Variants in CD180 observed in about 807,000 individuals in gnomAD.
CD180 encodes the protein CD180 molecule.
Under a neutral mutation model 10.7 loss-of-function variants are expected in CD180, and 11 were observed. The observed-to-expected ratio is 1.03, with a 90% CI of 0.65 to 1.70. CD180 has a LOEUF of 1.70. Among genes scored for constraint, CD180 ranks in the 40% most tolerant of loss-of-function variants. The pLI, the probability that CD180 is intolerant of heterozygous loss-of-function variation, is 0.00. For synonymous variants in CD180, 286 were observed against 294.6 expected (o/e 0.97, Z 0.30); for missense variants, 729 against 775.2 (o/e 0.94, Z 0.71).
intron 1 of CD180, among the ~76,000 whole-genome samples, chr5:67,187,635 A>C (rs1428148339): frequency 6.6e-6 from 1 of 152,194 alleles, no homozygotes; most frequent in East Asian, 1.9e-4. Flanking sequence ...TTTAAGATGA[A>C]GGGTAGTGGG....
rs771130683 is a variant in CD180 at position 67,182,976 on chromosome 5, G to T, written c.1867C>A (p.Leu623Ile). 4 of 1,614,112 alleles carry T rather than the reference G, an allele frequency of 2.5e-6. No individual in the cohort carries two copies. The highest frequency in any genetic ancestry group is 3.4e-6 in the Non-Finnish European group (4 of 1,180,048). ...LRGVKLSDVK[L>I]SCGITAIGIF... ...CCTATGGCTGTAATCCCACAGGAAA[G>T]CTTGACATCAGATAGCTTAACTCCC... The change falls in exon 3 of 3, where the codon CTT becomes ATT. Residue 623 changes from leucine (L) to isoleucine (I), a missense_variant. Transcript: ENST00000256447.
chr5:67,183,789 T>A lies in CD180; in HGVS notation c.1054A>T (p.Ile352Phe), dbSNP rs772502331. Residue 352 changes from isoleucine to phenylalanine, a missense_variant, in exon 3 of 3, where the codon ATC becomes TTC. Ile to Phe is a conservative substitution (Grantham distance 21, BLOSUM62 0). Transcript: ENST00000256447. ...ANFPSLTHLY[I>F]RGNVKKLHLG... The stretch of plus-strand genomic sequence containing the variant: ...TGAAGTTTCTTCACGTTGCCTCTGA[T>A]GTAGAGGTGTGTAAGGGAGGGGAAA... The A allele has an allele frequency of 6.2e-7, 1 of 1,613,930 alleles. No homozygotes were observed. The highest frequency in any genetic ancestry group is 8.5e-7 in the Non-Finnish European group (1 of 1,179,802).
chr5:67,190,715 C>A (rs988509952), intron 1 of CD180, among the ~76,000 whole-genome samples: 1 of 152,234 alleles, frequency 6.6e-6, no homozygotes, highest in Non-Finnish European at 1.5e-5. Flanking sequence ...TCTGCTTTGT[C>A]TCCAGCTCTG....
At chr5:67,186,108 A>C (rs895331004) in intron 1 of CD180, 91 bp from the exon 2 acceptor site, 1 of 790,150 alleles carries the variant, frequency 1.3e-6, no homozygotes, top group African/African-American at 1.8e-5. Context: ...TCCGAGCGGC[A>C]ATCGTACTTC....
In CD180 at chr5:67,196,661, G is replaced by T; in HGVS notation, c.-20C>A. ...CGCCATCACAGGCTAGGATTGCTTGGTGGGTTTACCTAATGCTTGGAGCTG... is the reference window on the plus strand; with the variant it reads ...CGCCATCACAGGCTAGGATTGCTTGTTGGGTTTACCTAATGCTTGGAGCTG... On this transcript the variant is annotated 5_prime_UTR_variant, in exon 1 of 3. Transcript: ENST00000256447. 3.1e-6 allele frequency: 5 copies of T among 1,613,904 alleles called. No homozygotes were observed. The highest frequency in any genetic ancestry group is 3.4e-6 in the Non-Finnish European group (4 of 1,179,912).
rs760121114 is a variant in CD180 at position 67,182,825 on chromosome 5, C to A, written c.*32G>T. ...TCACTTAGAGCAATTTTGCTAAGCA[C>A]ACTTATTTGCTTTCTCTGGAAACCT... is the stretch of plus-strand genomic sequence containing the variant. On this transcript the variant is annotated 3_prime_UTR_variant, in exon 3 of 3. Transcript: ENST00000256447. 9 of 1,544,484 alleles carry A rather than the reference C, an allele frequency of 5.8e-6. No individual in the cohort carries two copies. The highest frequency in any genetic ancestry group is 1.3e-5 in the South Asian group (1 of 78,858).
Position 67,196,743 on chromosome 5 carries a change from G to A in CD180, c.-102C>T. 7.1e-7 allele frequency: 1 copy of A among 1,411,794 alleles called. No individual in the cohort carries two copies. 87.5% of individuals were successfully genotyped at this position (1,411,794 alleles called of 1,614,324 possible). A position where few individuals can be genotyped will look rare whatever the true frequency, so the allele number is the denominator to read the frequency against. The stretch of plus-strand genomic sequence containing the variant: ...AATTTGGCAGCCAGAGAGGTACTCA[G>A]AAGGGTGATCTTGGAACAAGAAATG... On this transcript the variant is annotated 5_prime_UTR_variant, in exon 1 of 3. Transcript: ENST00000256447.
Position 67,184,387 on chromosome 5 carries a change from T to C in CD180, c.456A>G (p.Glu152=). ...FIPVHNLENL[E]SLYLGSNHIS... ...TATGGTTGCTTCCAAGATACAAGCT[T>C]TCCAAGTTTTCCAGATTGTGCACTG... The change falls in exon 3 of 3, where the codon GAA becomes GAG. Residue 152 remains glutamate (E), a synonymous_variant. Transcript: ENST00000256447. The C allele has an allele frequency of 4.3e-6, 7 of 1,613,786 alleles. No individual in the cohort carries two copies. The highest frequency in any genetic ancestry group is 5.9e-6 in the Non-Finnish European group (7 of 1,179,646).
chr5:67,191,321 T>C (rs778754066), intron 1 of CD180, among the ~76,000 whole-genome samples: 3 of 152,244 alleles, frequency 2.0e-5, no homozygotes, highest in Non-Finnish European at 4.4e-5. Flanking sequence ...GCAAGTTTAC[T>C]GTGAGGATTA....
In CD180 at chr5:67,183,841, A is replaced by T. The variant is rs1294682995; in HGVS notation, c.1002T>A (p.Asp334Glu). Reference sequence around the variant, plus strand: ...TGGCAGCACTGATTTGACACAATTGATCGAAATGATTTACACTGAGAACTA... The same window carrying T: ...TGGCAGCACTGATTTGACACAATTGTTCGAAATGATTTACACTGAGAACTA... ...KKLVLSVNHFDQLCQISAANF... is the reference protein window; with the variant it reads ...KKLVLSVNHFEQLCQISAANF... Residue 334 changes from aspartate (D) to glutamate (E), a missense_variant, in exon 3 of 3, where the codon GAT becomes GAA. Physicochemically the swap from Asp to Glu is conservative, Grantham distance 45 (BLOSUM62 2). Transcript: ENST00000256447. 1 of 1,614,218 alleles carries T rather than the reference A, an allele frequency of 6.2e-7. No individual in the cohort carries two copies. Among genetic ancestry groups the T allele is most frequent in the Admixed American group, 1.7e-5 (1 of 60,030 alleles).
At position 67,196,609 on chromosome 5, in the gene CD180, C is replaced by T. The variant is rs1742409664; in HGVS notation, c.33G>A (p.Val11=). MAFDVSCFFW[V]VLFSAGCKVI... is the part of the protein sequence containing the mutation. ...CTTTACAGCCGGCAGAAAACAGCAC[C>T]ACCCAAAAGAAGCAGCTGACGTCAA... The change falls in exon 1 of 3, where the codon GTG becomes GTA. Residue 11 remains valine (V), a synonymous_variant. Transcript: ENST00000256447. The T allele has an allele frequency of 6.2e-7, 1 of 1,613,878 alleles. No homozygotes were observed. Among genetic ancestry groups the T allele is most frequent in the Admixed American group, 1.7e-5 (1 of 59,998 alleles).
Position 67,182,030 on chromosome 5 carries a change from C to T in CD180, c.*827G>A, listed in dbSNP as rs139736495. ...AAAGAGACTTCTAAGAACCGGATGC[C>T]CAAATGAGAAGAGCATTTTGGGTCA... On this transcript the variant is annotated 3_prime_UTR_variant, in exon 3 of 3. Coordinates refer to ENST00000256447, the MANE Select transcript of CD180 (RefSeq NM_005582.3). 1.3e-5 allele frequency: 2 copies of T among 152,278 alleles called. No homozygotes were observed. Among genetic ancestry groups the T allele is most frequent in the East Asian group, 1.9e-4 (1 of 5,178 alleles). The allele number at this position is 152,278 out of a possible 1,614,324, so 9.4% of individuals were successfully genotyped here. A position where few individuals can be genotyped will look rare whatever the true frequency, so the allele number is the denominator to read the frequency against.
chr5:67,192,282 C>T (rs1218292662), intron 1 of CD180, among the ~76,000 whole-genome samples: 1 of 151,606 alleles, frequency 6.6e-6, no homozygotes, highest in Non-Finnish European at 1.5e-5. Flanking sequence ...CCCAGCTACT[C>T]GGGAGGCTGA....
intron 1 of CD180, among the ~76,000 whole-genome samples, chr5:67,192,685 G>C (rs1742332675): frequency 6.6e-6 from 1 of 152,050 alleles, no homozygotes. Context: ...AAGCTGTGAC[G>C]GAGCTGCCCC....
Position 67,184,160 on chromosome 5 carries a change from T to G in CD180, c.683A>C (p.Asn228Thr). The G allele has an allele frequency of 6.2e-7, 1 of 1,614,164 alleles. No individual in the cohort carries two copies. Among genetic ancestry groups the G allele is most frequent in the Non-Finnish European group, 8.5e-7 (1 of 1,180,018 alleles). Residue 228 changes from asparagine (N) to threonine (T), a missense_variant, in exon 3 of 3, where the codon AAC becomes ACC. By Grantham distance (65) the Asn-to-Thr change is moderately conservative. Coordinates refer to ENST00000256447, the MANE Select transcript of CD180 (RefSeq NM_005582.3). ...AGACAAATTTGGAGTTCCTCCAAAG[T>G]TCAAACTTTGGAAGATCGTTGAATC... is the stretch of plus-strand genomic sequence containing the variant. ...AFDSTIFQSL[N>T]FGGTPNLSVI...
chr5:67,196,610 A>G lies in CD180; in HGVS notation c.32T>C (p.Val11Ala), dbSNP rs765843316. 6.2e-7 allele frequency: 1 copy of G among 1,613,922 alleles called. No homozygotes were observed. Among genetic ancestry groups the G allele is most frequent in the South Asian group, 1.1e-5 (1 of 91,078 alleles). The stretch of plus-strand genomic sequence containing the variant: ...TTTACAGCCGGCAGAAAACAGCACC[A>G]CCCAAAAGAAGCAGCTGACGTCAAA... The part of the protein sequence containing the change: MAFDVSCFFW[V>A]VLFSAGCKVI... The change falls in exon 1 of 3, where the codon GTG (valine) becomes GCG (alanine). Residue 11 changes from valine to alanine, a missense_variant. Transcript: ENST00000256447.
Position 67,183,827 on chromosome 5 carries a change from A to T in CD180, c.1016T>A (p.Ile339Asn). The T allele has an allele frequency of 6.2e-7, 1 of 1,614,210 alleles. No homozygotes were observed. Among genetic ancestry groups the T allele is most frequent in the Non-Finnish European group, 8.5e-7 (1 of 1,180,038 alleles). ...SVNHFDQLCQ[I>N]SAANFPSLTH... ...AAGGGAGGGGAAATTGGCAGCACTGATTTGACACAATTGATCGAAATGATT... is the reference window on the plus strand; with the variant it reads ...AAGGGAGGGGAAATTGGCAGCACTGTTTTGACACAATTGATCGAAATGATT... The change falls in exon 3 of 3, where the codon ATC (isoleucine) becomes AAC (asparagine). Residue 339 changes from isoleucine to asparagine, a missense_variant. Coordinates refer to ENST00000256447, the MANE Select transcript of CD180 (RefSeq NM_005582.3).
intron 1 of CD180, among the ~76,000 whole-genome samples, chr5:67,189,781 C>T (rs1742266700): frequency 6.6e-6 from 1 of 152,184 alleles, no homozygotes; most frequent in Non-Finnish European, 1.5e-5. Context: ...CACATGCACA[C>T]ACACACACTA....
intron 1 of CD180, among the ~76,000 whole-genome samples, chr5:67,194,537 C>T (rs1224376972): frequency 1.3e-5 from 2 of 152,172 alleles, no homozygotes; most frequent in African/African-American, 4.8e-5. Context: ...TCCCGTGTAC[C>T]CTGCCCACCA....
Sources: allele counts gnomAD v4.1 joint callset (sites outside exome capture counted in the v4.1 genomes callset), GRCh38; gene constraint gnomAD v4.1.1; transcripts MANE v1.5; gene names NCBI Gene and HGNC (gene_info 2026-07-23, HGNC 2026-07-21).